Variants in ATCAY observed in about 807,000 individuals in gnomAD.
The protein encoded by ATCAY is ATCAY kinesin light chain interacting caytaxin, also known as caytaxin.
A neutral mutation model predicts 47.7 loss-of-function variants in ATCAY; 22 were observed. That is an observed-to-expected ratio of 0.46 (90% confidence interval 0.33 to 0.66). The LOEUF (loss-of-function observed/expected upper bound fraction) is 0.66. Ranked by LOEUF, ATCAY falls within the 30% of genes least tolerant of loss-of-function variation. The probability of loss-of-function intolerance (pLI) is 0.02; values close to 1 mark genes in which losing one functional copy is unlikely to be tolerated. For synonymous variants in ATCAY, 216 were observed against 207.6 expected (o/e 1.04, Z -0.35); for missense variants, 452 against 515.0 (o/e 0.88, Z 1.18).
intron 2 of ATCAY, among the ~76,000 whole-genome samples, chr19:3,889,858 CAAAT>C (rs1273415994): frequency 6.6e-6 from 1 of 152,008 alleles, no homozygotes; most frequent in East Asian, 1.9e-4. Flanking sequence ...GAAGGCAGCA[CAAAT>C]AAATAATCAT....
chr19:3,903,338 G>T (rs924800809), intron 3 of ATCAY, among the ~76,000 whole-genome samples: 1 of 152,088 alleles, frequency 6.6e-6, no homozygotes, highest in Non-Finnish European at 1.5e-5. Flanking sequence ...AGATCCCGGG[G>T]ATGGGAGTCC....
chr19:3,904,368 T>C (rs1306425517), intron 3 of ATCAY, among the ~76,000 whole-genome samples: 3 of 152,124 alleles, frequency 2.0e-5, no homozygotes, highest in Non-Finnish European at 4.4e-5. Context: ...TAGCAGACTT[T>C]GGATTAAAGC....
Position 3,923,465 on chromosome 19 carries a change from TGGAA to T in ATCAY, c.1107-1114_1107-1111del, listed in dbSNP as rs1397537003. ...ATGGATGGATGGATGAGTGGATGGA[TGGAA>T]GGATGTTTGGATGATGGGTGGATAG... On this transcript the variant is annotated intron_variant, in intron 12 of 12. Coordinates refer to ENST00000450849, the MANE Select transcript of ATCAY (RefSeq NM_033064.5). Among the ~76,000 whole-genome samples the T allele has an allele frequency of 9.9e-5, 15 of 151,698 alleles. No homozygotes were observed. The East Asian group carries it at 1.7e-3, about 18-fold the overall frequency.
chr19:3,909,394 G>GC (rs767317442), intron 6 of ATCAY, 92 bp from the exon 7 acceptor site: 72 of 1,474,096 alleles, frequency 4.9e-5, no homozygotes, highest in Non-Finnish European at 6.4e-5. Context: ...CCAGCCAGCG[G>GC]CAGGAGTGGA....
intron 12 of ATCAY, 62 bp downstream of exon 12, chr19:3,920,860 A>C: frequency 1.9e-6 from 3 of 1,584,976 alleles, no homozygotes; most frequent in Non-Finnish European, 1.7e-6. Context: ...GACCTGTATT[A>C]GTCAGGGTTC....
At position 3,894,610 on chromosome 19, in the gene ATCAY, G is replaced by A. The variant is rs1358298582; in HGVS notation, c.78-7877G>A. On this transcript the variant is annotated intron_variant, in intron 2 of 12. Transcript: ENST00000450849. ...TTGAGACCAGCCTGGGCAACATGGCGAGACCCTGTGTCTGCAAAAAAAAAA... is the reference window on the plus strand; with the variant it reads ...TTGAGACCAGCCTGGGCAACATGGCAAGACCCTGTGTCTGCAAAAAAAAAA... Among the ~76,000 whole-genome samples the A allele has an allele frequency of 8.2e-5, 11 of 134,838 alleles. No individual in the cohort carries two copies. In the East Asian group the frequency reaches 8.8e-4, roughly 11 times the overall value. 88.5% of individuals were successfully genotyped at this position (134,838 alleles called of 152,430 possible).
chr19:3,885,965 C>T lies in ATCAY; in HGVS notation c.77+121C>T, dbSNP rs1384197974. 6 of 891,692 alleles carry T rather than the reference C, an allele frequency of 6.7e-6. No individual in the cohort carries two copies. The East Asian group carries it at 1.6e-4, about 24-fold the overall frequency. The allele number at this position is 891,692 out of a possible 1,614,324, so 55.2% of individuals were successfully genotyped here. A position where few individuals can be genotyped will look rare whatever the true frequency, so the allele number is the denominator to read the frequency against. On this transcript the variant is annotated intron_variant, in intron 2 of 12. Transcript: ENST00000450849. ...CCGCCCGGGGCTGGCCTGGTTCCAT[C>T]TCCGCGTCCTCCTCTCCCGCACACT...
intron 3 of ATCAY, among the ~76,000 whole-genome samples, chr19:3,903,647 C>A (rs937191837): frequency 8.6e-5 from 13 of 151,886 alleles, no homozygotes; most frequent in African/African-American, 3.1e-4. Context: ...CCTCAGCCTC[C>A]TGAGTAGCTG....
Position 3,913,874 on chromosome 19 carries a change from C to T in ATCAY, c.965+18C>T. On this transcript the variant is annotated intron_variant, in intron 9 of 12. Coordinates refer to ENST00000450849, the MANE Select transcript of ATCAY (RefSeq NM_033064.5). ...GTCCTGCAGTGAGTGGCCCCACAGT[C>T]CACCCCGCCGTATTAGTCTGTTTTC... The T allele has an allele frequency of 3.8e-6, 6 of 1,573,794 alleles. No individual in the cohort carries two copies. Among genetic ancestry groups the T allele is most frequent in the Non-Finnish European group, 5.2e-6 (6 of 1,152,298 alleles).
intron 8 of ATCAY, among the ~76,000 whole-genome samples, chr19:3,911,874 A>G (rs2038925130): frequency 6.6e-6 from 1 of 152,084 alleles, no homozygotes; most frequent in African/African-American, 2.4e-5. Context: ...TTCAAGGAAG[A>G]CTCTTTAAAC....
chr19:3,894,625 CAAAA>C (rs56732320), intron 2 of ATCAY, among the ~76,000 whole-genome samples: 4 of 75,166 alleles, frequency 5.3e-5, no homozygotes, highest in South Asian at 4.5e-4. Flanking sequence ...CCTGTGTCTG[CAAAA>C]AAAAAAAAAA....
Position 3,917,781 on chromosome 19 carries a change from T to C in ATCAY, c.1001+4T>C. Reference sequence around the variant, plus strand: ...GACTGAAGGCCAGGAGGGAGAGGTGTGTGCAGAGTGGTTTCTGCTGGGGCT... The same window carrying C: ...GACTGAAGGCCAGGAGGGAGAGGTGCGTGCAGAGTGGTTTCTGCTGGGGCT... On this transcript the variant is annotated splice_donor_region_variant and intron_variant, in intron 10 of 12. Coordinates refer to ENST00000450849, the MANE Select transcript of ATCAY (RefSeq NM_033064.5). 6.2e-7 allele frequency: 1 copy of C among 1,609,948 alleles called. No individual in the cohort carries two copies. The highest frequency in any genetic ancestry group is 8.5e-7 in the Non-Finnish European group (1 of 1,178,658).
chr19:3,883,053 T>C (rs2145216460), intron 1 of ATCAY, among the ~76,000 whole-genome samples: 1 of 152,022 alleles, frequency 6.6e-6, no homozygotes, highest in African/African-American at 2.4e-5. Flanking sequence ...ATTCCAGGCA[T>C]GCACCACTGC....
intron 2 of ATCAY, among the ~76,000 whole-genome samples, chr19:3,889,878 G>C (rs570956373): frequency 6.6e-6 from 1 of 152,078 alleles, no homozygotes; most frequent in South Asian, 2.1e-4. Flanking sequence ...ATCATCTCCA[G>C]CGTTATTACT....
In ATCAY at chr19:3,893,157, G is replaced by T. The variant is rs1052333816; in HGVS notation, c.77+7313G>T. Among the ~76,000 whole-genome samples the T allele has an allele frequency of 6.2e-5, 9 of 145,778 alleles. No individual in the cohort carries two copies. The East Asian group carries it at 1.0e-3, about 17-fold the overall frequency. On this transcript the variant is annotated intron_variant, in intron 2 of 12. Coordinates refer to ENST00000450849, the MANE Select transcript of ATCAY (RefSeq NM_033064.5). ...AAGCCACGCTGTGCATCTTGCATGTGGGGGGGACCCCCACTTTTTTTTTTT... is the reference window on the plus strand; with the variant it reads ...AAGCCACGCTGTGCATCTTGCATGTTGGGGGGACCCCCACTTTTTTTTTTT...
At position 3,924,758 on chromosome 19, in the gene ATCAY, G is replaced by T. The variant is rs1017635035; in HGVS notation, c.*166G>T. The stretch of plus-strand genomic sequence containing the variant: ...CTGAAACCCAGCATCCTTTTCAGCT[G>T]CTTGAAAACATTGTATTTTTTTTTT... On this transcript the variant is annotated 3_prime_UTR_variant, in exon 13 of 13. Transcript: ENST00000450849. 2 of 656,806 alleles carry T rather than the reference G, an allele frequency of 3.0e-6. No individual in the cohort carries two copies. The highest frequency in any genetic ancestry group is 5.0e-6 in the Non-Finnish European group (2 of 402,462). The allele number at this position is 656,806 out of a possible 1,614,324, so 40.7% of individuals were successfully genotyped here.
chr19:3,911,684 T>G (rs2038923920), intron 8 of ATCAY, among the ~76,000 whole-genome samples: 5 of 152,136 alleles, frequency 3.3e-5, no homozygotes, highest in Admixed American at 3.3e-4. Context: ...ATTAGGCATG[T>G]TAAATGCCCT....
chr19:3,885,476 C>G (rs1292871459), intron 1 of ATCAY, among the ~76,000 whole-genome samples: 1 of 151,772 alleles, frequency 6.6e-6, no homozygotes, highest in Non-Finnish European at 1.5e-5. Context: ...ATCGCTTGAG[C>G]CTGGAAGGTG....
chr19:3,902,686 GGCCGT>G, intron 3 of ATCAY, 141 bp downstream of exon 3: 1 of 909,100 alleles, frequency 1.1e-6, no homozygotes, highest in East Asian at 2.7e-5. Flanking sequence ...TGGTGGAAGT[GGCCGT>G]GGTGGGTGAG....
Sources: allele counts gnomAD v4.1 joint callset (sites outside exome capture counted in the v4.1 genomes callset), GRCh38; gene constraint gnomAD v4.1.1; transcripts MANE v1.5; gene names NCBI Gene and HGNC (gene_info 2026-07-23, HGNC 2026-07-21).